Variants in ANKRD10 observed in about 807,000 individuals in gnomAD.
ANKRD10 encodes the protein ankyrin repeat domain-containing protein 10.
A neutral mutation model predicts 27.0 loss-of-function variants in ANKRD10; 14 were observed. The observed-to-expected ratio is 0.52, with a 90% CI of 0.34 to 0.81. ANKRD10 has a LOEUF of 0.81. Among genes scored for constraint, ANKRD10 ranks in the 40% least tolerant of loss-of-function variants. The probability of loss-of-function intolerance (pLI) is 0.01; values close to 1 mark genes in which losing one functional copy is unlikely to be tolerated. For synonymous variants in ANKRD10, 250 were observed against 224.5 expected (o/e 1.11, Z -1.01); for missense variants, 493 against 544.0 (o/e 0.91, Z 0.93).
At position 110,893,088 on chromosome 13, in the gene ANKRD10, T is replaced by C. The variant is rs2065126541; in HGVS notation, c.631A>G (p.Asn211Asp). ...GAGTCTTCCAAGCATCTCTTTCGAT[T>C]TGTTCCCACACTAATATGATTAGGA... ...VFPNHISVGT[N>D]RKRCLEDSED... Residue 211 changes from asparagine to aspartate, a missense_variant, in exon 4 of 6, where the codon AAT becomes GAT. Asn to Asp is a conservative substitution (Grantham distance 23). Transcript: ENST00000267339. 6.2e-7 allele frequency: 1 copy of C among 1,614,148 alleles called. No homozygotes were observed. The highest frequency in any genetic ancestry group is 1.3e-5 in the African/African-American group (1 of 74,952).
Position 110,893,281 on chromosome 13 carries a change from AC to A in ANKRD10, c.456-19del. On this transcript the variant is annotated intron_variant, in intron 3 of 5. Transcript: ENST00000267339. The stretch of plus-strand genomic sequence containing the variant: ...TTCTCAGGCTGTACAACACAAAAAC[AC>A]TGAATTACACCCCATCCGCGTGCTA... 1 of 1,611,662 alleles carries A rather than the reference AC, an allele frequency of 6.2e-7. No individual in the cohort carries two copies. The highest frequency in any genetic ancestry group is 8.5e-7 in the Non-Finnish European group (1 of 1,178,118).
intron 4 of ANKRD10, among the ~76,000 whole-genome samples, chr13:110,890,023 G>A (rs986436040): frequency 6.6e-5 from 10 of 152,190 alleles, no homozygotes; most frequent in African/African-American, 1.9e-4. Flanking sequence ...TTATATACAT[G>A]TGTTAAATGA....
chr13:110,896,677 C>T (rs1469048992), intron 3 of ANKRD10, among the ~76,000 whole-genome samples: 5 of 152,226 alleles, frequency 3.3e-5, no homozygotes, highest in Non-Finnish European at 5.9e-5. Context: ...ATTCTCAGTC[C>T]TAACTACTCA....
chr13:110,898,789 CTT>C (rs1201205472), intron 3 of ANKRD10, among the ~76,000 whole-genome samples: 7 of 124,540 alleles, frequency 5.6e-5, no homozygotes, highest in East Asian at 4.7e-4. Flanking sequence ...GAGTTTCACT[CTT>C]GTTGCCTAGG....
At chr13:110,894,424 A>AAAAAC (rs1467879088) in intron 3 of ANKRD10, 9 of 305,460 alleles carry the variant, frequency 2.9e-5, no homozygotes, top group African/African-American at 2.0e-4. Context: ...AAAAAAAAAA[A>AAAAAC]AAACCCCGCA....
chr13:110,884,323 A>G (rs2064875880), intron 4 of ANKRD10, among the ~76,000 whole-genome samples: 2 of 152,198 alleles, frequency 1.3e-5, no homozygotes, highest in Non-Finnish European at 2.9e-5. Context: ...TTACACCAAA[A>G]TACAGAAAGC....
At chr13:110,909,551 T>G (rs951642077) in intron 2 of ANKRD10, among the ~76,000 whole-genome samples, 1 of 152,232 alleles carries the variant, frequency 6.6e-6, no homozygotes, top group Non-Finnish European at 1.5e-5. Context: ...ATCCCACATT[T>G]CAGTTTAGTA....
chr13:110,893,128 AC>A lies in ANKRD10; in HGVS notation c.590del (p.Gly197ValfsTer28). 6.2e-7 allele frequency: 1 copy of A among 1,614,088 alleles called. No homozygotes were observed. Among genetic ancestry groups the A allele is most frequent in the Non-Finnish European group, 8.5e-7 (1 of 1,180,010 alleles). The part of the protein sequence containing the change: ...HFYNNGILNG[G>X]HQNVFPNHIS... Reference sequence around the variant, plus strand: ...TATGATTAGGAAATACATTCTGATGACCCCCATTTAAGATGCCATTGTTATA... The same window carrying A: ...TATGATTAGGAAATACATTCTGATGACCCCATTTAAGATGCCATTGTTATA... On this transcript the variant is annotated frameshift_variant, in exon 4 of 6. Transcript: ENST00000267339. LOFTEE classifies it high-confidence loss of function.
intron 4 of ANKRD10, among the ~76,000 whole-genome samples, chr13:110,886,030 A>T (rs1273151651): frequency 6.6e-6 from 1 of 152,242 alleles, no homozygotes; most frequent in Non-Finnish European, 1.5e-5. Flanking sequence ...ACAAAAACAC[A>T]AGGTAAACAA....
chr13:110,913,660 A>C (rs1271105806), intron 1 of ANKRD10, among the ~76,000 whole-genome samples: 3 of 152,232 alleles, frequency 2.0e-5, no homozygotes, highest in African/African-American at 7.2e-5. Flanking sequence ...TCAGCTGGTA[A>C]CGACATTACC....
chr13:110,910,477 G>A, intron 2 of ANKRD10, 141 bp downstream of exon 2: 2 of 1,126,460 alleles, frequency 1.8e-6, no homozygotes, highest in Non-Finnish European at 2.6e-6. Flanking sequence ...ACAAACAACT[G>A]AAGAAACATA....
chr13:110,894,118 C>T lies in ANKRD10; in HGVS notation c.456-855G>A, dbSNP rs1566465120. 8 of 1,606,924 alleles carry T rather than the reference C, an allele frequency of 5.0e-6. No individual in the cohort carries two copies. In the Admixed American group the frequency reaches 6.7e-5, roughly 13 times the overall value. On this transcript the variant is annotated intron_variant, in intron 3 of 5. Transcript: ENST00000267339. Reference sequence around the variant, plus strand: ...AGTTGAACTTGTAAACCTTTAGACACTGAATTAAAACTGAGGGATCAAAAG... The same window carrying T: ...AGTTGAACTTGTAAACCTTTAGACATTGAATTAAAACTGAGGGATCAAAAG...
Position 110,914,568 on chromosome 13 carries a change from G to T in ANKRD10, c.210+157C>A, listed in dbSNP as rs541354317. The T allele has an allele frequency of 1.6e-4, 174 of 1,066,206 alleles. 1 individual carries two copies. The East Asian group carries it at 4.8e-3, about 29-fold the overall frequency. The allele number at this position is 1,066,206 out of a possible 1,614,324, so 66.0% of individuals were successfully genotyped here. ...GCGACTCCGGGCCGCGAGCGCTGCCGCACAGGCGCCCTAGGCCCCTCGGGG... is the reference window on the plus strand; with the variant it reads ...GCGACTCCGGGCCGCGAGCGCTGCCTCACAGGCGCCCTAGGCCCCTCGGGG... On this transcript the variant is annotated intron_variant, in intron 1 of 5. Transcript: ENST00000267339.
chr13:110,915,012 A>C lies in ANKRD10; in HGVS notation c.-78T>G. The C allele has an allele frequency of 2.0e-6, 3 of 1,477,404 alleles. No homozygotes were observed. Among genetic ancestry groups the C allele is most frequent in the Non-Finnish European group, 2.7e-6 (3 of 1,119,168 alleles). 91.5% of individuals were successfully genotyped at this position (1,477,404 alleles called of 1,614,324 possible). A position where few individuals can be genotyped will look rare whatever the true frequency, so the allele number is the denominator to read the frequency against. On this transcript the variant is annotated 5_prime_UTR_variant, in exon 1 of 6. Transcript: ENST00000267339. ...GGACTCGAGAAGCCGCCGCCGCAGC[A>C]CAAAGGAACGAGACTAGCGCCGCGG...
At chr13:110,888,483 A>G (rs891123123) in intron 4 of ANKRD10, among the ~76,000 whole-genome samples, 54 of 152,268 alleles carry the variant, frequency 3.5e-4, no homozygotes, top group African/African-American at 1.2e-3. Context: ...ATATACTGCA[A>G]ATTTGAAAAC....
chr13:110,883,736 T>C lies in ANKRD10; in HGVS notation c.749A>G (p.Asp250Gly). The C allele has an allele frequency of 2.5e-6, 4 of 1,614,220 alleles. No homozygotes were observed. The Admixed American group carries it at 6.7e-5, about 27-fold the overall frequency. Residue 250 changes from aspartate to glycine, a missense_variant, in exon 5 of 6, where the codon GAC (aspartate) becomes GGC (glycine). Asp to Gly is a moderately conservative substitution (Grantham distance 94). Transcript: ENST00000267339. The part of the protein sequence containing the change: ...LTNGDTEDDA[D>G]KMHVDREFAV... ...AAACTCCCTATCAACGTGCATTTTG[T>C]CAGCATCGTCTTCTGTGTCGCCATT...
chr13:110,881,271 G>A (rs528443477), intron 5 of ANKRD10, among the ~76,000 whole-genome samples: 5 of 152,244 alleles, frequency 3.3e-5, no homozygotes, highest in Admixed American at 6.5e-5. Context: ...GAATGAGGAC[G>A]CAGCTTAAAT....
At position 110,914,967 on chromosome 13, in the gene ANKRD10, C is replaced by T. The variant is rs1322437151; in HGVS notation, c.-33G>A. 1.3e-6 allele frequency: 2 copies of T among 1,518,142 alleles called. No homozygotes were observed. The highest frequency in any genetic ancestry group is 4.0e-5 in the Admixed American group (2 of 49,954). The allele number at this position is 1,518,142 out of a possible 1,614,324, so 94.0% of individuals were successfully genotyped here. A position where few individuals can be genotyped will look rare whatever the true frequency, so the allele number is the denominator to read the frequency against. On this transcript the variant is annotated 5_prime_UTR_variant, in exon 1 of 6. Coordinates refer to ENST00000267339, the MANE Select transcript of ANKRD10 (RefSeq NM_017664.4). Reference sequence around the variant, plus strand: ...CACCGGAGAGCGCGGGGCTCGCTGGCCTAGAGGACGCGTCGGGGAGGACTC... The same window carrying T: ...CACCGGAGAGCGCGGGGCTCGCTGGTCTAGAGGACGCGTCGGGGAGGACTC...
intron 4 of ANKRD10, among the ~76,000 whole-genome samples, chr13:110,884,746 T>C (rs1298006888): frequency 2.6e-5 from 4 of 152,234 alleles, no homozygotes; most frequent in African/African-American, 7.2e-5. Context: ...TTTTTATGTG[T>C]ATTTCTGGTT....
Sources: allele counts gnomAD v4.1 joint callset (sites outside exome capture counted in the v4.1 genomes callset), GRCh38; gene constraint gnomAD v4.1.1; transcripts MANE v1.5; gene names NCBI Gene and HGNC (gene_info 2026-07-23, HGNC 2026-07-21).